The following AGO1 variants were observed in gnomAD, a reference collection of about 807,000 sequenced individuals.
AGO1 encodes argonaute RISC component 1.
In AGO1, 11 loss-of-function variants were observed where a neutral mutation model predicts 109.2. The observed-to-expected ratio is 0.10, with a 90% CI of 0.06 to 0.17. The LOEUF is 0.17. Ranked by LOEUF, AGO1 falls within the 10% of genes least tolerant of loss-of-function variation. AGO1 has a pLI of 1.00. For synonymous variants in AGO1, 422 were observed against 418.6 expected (o/e 1.01, Z -0.10); for missense variants, 574 against 1,140.3 (o/e 0.50, Z 7.15).
upstream of AGO1, among the ~76,000 whole-genome samples, chr1:35,880,485 C>T (rs917626739): frequency 6.6e-6 from 1 of 152,118 alleles, no homozygotes; most frequent in Non-Finnish European, 1.5e-5. Context: ...TTACTTGCGC[C>T]TGAGAGGTGG....
intron 11 of AGO1, among the ~76,000 whole-genome samples, chr1:35,903,834 G>T (rs990684263): frequency 6.6e-6 from 1 of 151,752 alleles, no homozygotes; most frequent in African/African-American, 2.4e-5. Context: ...GTGGTGGCGC[G>T]TGCCTGTAGT....
At chr1:35,896,747 C>A (rs867493527) in intron 8 of AGO1, among the ~76,000 whole-genome samples, 2 of 152,112 alleles carry the variant, frequency 1.3e-5, no homozygotes, top group Non-Finnish European at 2.9e-5. Context: ...TCAGAACTAA[C>A]CTGAGGGAGT....
chr1:35,876,175 G>A (rs11582524), intron 1 of AGO1, among the ~76,000 whole-genome samples: 11,483 of 152,250 alleles, frequency 0.075, 563 homozygotes, highest in Middle Eastern at 0.24. Flanking sequence ...AAGAGAACTA[G>A]AATCAGAAGT....
At chr1:35,904,579 T>A (rs1204041984) in intron 11 of AGO1, among the ~76,000 whole-genome samples, 1 of 152,152 alleles carries the variant, frequency 6.6e-6, no homozygotes, top group Admixed American at 6.5e-5. Flanking sequence ...TCTATTGTTT[T>A]GGCCATTTGG....
chr1:35,886,700 T>C (rs1645126350), intron 1 of AGO1, among the ~76,000 whole-genome samples: 1 of 152,156 alleles, frequency 6.6e-6, no homozygotes, highest in Non-Finnish European at 1.5e-5. Flanking sequence ...TCTTGTGTAG[T>C]GTTTATAATT....
chr1:35,925,983 G>A lies in AGO1; in HGVS notation c.*6376G>A, dbSNP rs375321641. 6.6e-6 allele frequency: 1 copy of A among 152,160 alleles called. No homozygotes were observed. The highest frequency in any genetic ancestry group is 2.4e-5 in the African/African-American group (1 of 41,418). 9.4% of individuals were successfully genotyped at this position (152,160 alleles called of 1,614,324 possible). On this transcript the variant is annotated 3_prime_UTR_variant, in exon 19 of 19. Coordinates refer to ENST00000373204, the MANE Select transcript of AGO1 (RefSeq NM_012199.5). ...GTAAATTGGCCTGTGGCTATCATCT[G>A]GCAGACTCCCTTGGGAAAGAGCCAG... is the stretch of plus-strand genomic sequence containing the variant.
At chr1:35,878,492 C>A (rs1390801171), upstream of AGO1, among the ~76,000 whole-genome samples, 1 of 152,230 alleles carries the variant, frequency 6.6e-6, no homozygotes, top group Non-Finnish European at 1.5e-5. Flanking sequence ...TTCTTCTTAG[C>A]GGTATGGACT....
At position 35,901,476 on chromosome 1, in the gene AGO1, C is replaced by T. The variant is rs1275974433; in HGVS notation, c.1023C>T (p.Val341=). 2 of 1,613,988 alleles carry T rather than the reference C, an allele frequency of 1.2e-6. No individual in the cohort carries two copies. Among genetic ancestry groups the T allele is most frequent in the Admixed American group, 1.7e-5 (1 of 60,010 alleles). ...ACCTGTCCTTCTTGTTTCCTCAGGTCTGTAACATTGTGGCTGGGCAGCGCT... is the reference window on the plus strand; with the variant it reads ...ACCTGTCCTTCTTGTTTCCTCAGGTTTGTAACATTGTGGCTGGGCAGCGCT... ...EQKHTYLPLE[V]CNIVAGQRCI... is the part of the protein sequence containing the mutation. Residue 341 remains valine, a splice_region_variant and synonymous_variant, in exon 9 of 19, where the codon GTC becomes GTT. Transcript: ENST00000373204. The surrounding 1 kb of genome is among the most constrained non-coding windows in gnomAD (Gnocchi z 4.8).
rs771920322 is a variant in AGO1, at chr1:35,902,201, C to T, written c.1264-3C>T. The T allele has an allele frequency of 5.6e-6, 9 of 1,612,838 alleles. 1 individual carries two copies. In the Admixed American group the frequency reaches 1.3e-4, roughly 24 times the overall value. On this transcript the variant is annotated splice_polypyrimidine_tract_variant and splice_region_variant and intron_variant, in intron 10 of 18. Transcript: ENST00000373204. ...CCTAGGCGCCCCCTCTACCTATCCC[C>T]AGAACCGGGCCATTGCCACACCCAA...
chr1:35,899,324 T>C (rs892612605), intron 8 of AGO1, among the ~76,000 whole-genome samples: 6 of 152,274 alleles, frequency 3.9e-5, no homozygotes, highest in African/African-American at 1.4e-4. Context: ...TCCTTTTGGT[T>C]ATTGTGAATA....
chr1:35,904,279 G>C (rs753824264), intron 11 of AGO1, among the ~76,000 whole-genome samples: 17 of 151,778 alleles, frequency 1.1e-4, no homozygotes, highest in African/African-American at 1.7e-4. Context: ...CCAATTTTTT[G>C]TATTTTTAGT....
At chr1:35,873,146 G>A (rs1400458949) in intron 1 of AGO1, 1 of 151,728 alleles carries the variant, frequency 6.6e-6, no homozygotes, top group African/African-American at 2.4e-5. Context: ...ACAGTACAAG[G>A]ATCTCTAGAA....
At chr1:35,892,955 C>G (rs1645248810) in intron 3 of AGO1, 142 bp from the exon 4 acceptor site, 4 of 947,606 alleles carry the variant, frequency 4.2e-6, no homozygotes, top group Non-Finnish European at 6.2e-6. Context: ...GTGGCTAGAA[C>G]CTAAGGGGCT....
chr1:35,899,830 A>G (rs536663317), intron 8 of AGO1, among the ~76,000 whole-genome samples: 1 of 152,300 alleles, frequency 6.6e-6, no homozygotes, highest in East Asian at 1.9e-4. Flanking sequence ...CAAACTCATG[A>G]GACAGCTAGT....
rs1028701423 is a variant in AGO1, at chr1:35,893,402, C to T, written c.512+124C>T. 1 of 1,097,136 alleles carries T rather than the reference C, an allele frequency of 9.1e-7. No homozygotes were observed. Among genetic ancestry groups the T allele is most frequent in the Non-Finnish European group, 1.3e-6 (1 of 779,056 alleles). 68.0% of individuals were successfully genotyped at this position (1,097,136 alleles called of 1,614,324 possible). On this transcript the variant is annotated intron_variant, in intron 4 of 18. Coordinates refer to ENST00000373204, the MANE Select transcript of AGO1 (RefSeq NM_012199.5). This position sits in a 1 kb window ranked among gnomAD's most constrained non-coding sequence, Gnocchi z 5.6. ...AAAAAAAAATTATTTGAAGCCCTAC[C>T]ACTTGCCAGGCAAATGTGTATTTAT...
At chr1:35,880,463 G>A (rs560198626), upstream of AGO1, among the ~76,000 whole-genome samples, 1 of 152,200 alleles carries the variant, frequency 6.6e-6, no homozygotes, top group Non-Finnish European at 1.5e-5. Context: ...TCGGGAGACT[G>A]AGGTGGGAGA....
Position 35,901,524 on chromosome 1 carries a change from C to G in AGO1, c.1071C>G (p.Asn357Lys). The G allele has an allele frequency of 6.2e-7, 1 of 1,614,174 alleles. No individual in the cohort carries two copies. ...GCTGTATTAAAAAGCTGACCGACAACCAGACCTCGACCATGATAAAGGCCA... is the reference window on the plus strand; with the variant it reads ...GCTGTATTAAAAAGCTGACCGACAAGCAGACCTCGACCATGATAAAGGCCA... ...GQRCIKKLTDNQTSTMIKATA... is the reference protein window; with the variant it reads ...GQRCIKKLTDKQTSTMIKATA... The change falls in exon 9 of 19, where the codon AAC (asparagine) becomes AAG (lysine). Residue 357 changes from asparagine to lysine, a missense_variant. Asn to Lys is a moderately conservative substitution (Grantham distance 94). Transcript: ENST00000373204. This position sits in a 1 kb window ranked among gnomAD's most constrained non-coding sequence, Gnocchi z 4.8.
intron 12 of AGO1, among the ~76,000 whole-genome samples, chr1:35,908,669 G>A (rs993626249): frequency 1.3e-5 from 2 of 152,122 alleles, no homozygotes; most frequent in Non-Finnish European, 2.9e-5. Context: ...TTCTGTATTT[G>A]ACATCACAGT....
rs1260154197 is a variant in AGO1 at position 35,930,103 on chromosome 1, A to G, written c.*10496A>G. ...AATAGTATGTTTCATTAAGGCAACA[A>G]ATATTTATTAAGGACCTAATATTTG... On this transcript the variant is annotated 3_prime_UTR_variant, in exon 19 of 19. Transcript: ENST00000373204. 1 of 152,228 alleles carries G rather than the reference A, an allele frequency of 6.6e-6. No individual in the cohort carries two copies. The highest frequency in any genetic ancestry group is 6.5e-5 in the Admixed American group (1 of 15,282). The allele number at this position is 152,228 out of a possible 1,614,324, so 9.4% of individuals were successfully genotyped here.
Sources: allele counts gnomAD v4.1 joint callset (sites outside exome capture counted in the v4.1 genomes callset), GRCh38; gene constraint gnomAD v4.1.1; non-coding constraint Gnocchi (gnomAD v3.1); transcripts MANE v1.5; gene names NCBI Gene and HGNC (gene_info 2026-07-23, HGNC 2026-07-21).